WDR25: variants seen among roughly 807,000 people sequenced by gnomAD.
WDR25 encodes the protein WD repeat domain 25, also known as WD repeat-containing protein 25.
Under a neutral mutation model 47.7 loss-of-function variants are expected in WDR25, and 35 were observed. The observed-to-expected ratio is 0.73, with a 90% CI of 0.56 to 0.97. WDR25 has a LOEUF of 0.97. WDR25 is among the 50% of genes least tolerant of loss of function. The pLI is 0.00. For synonymous variants in WDR25, 248 were observed against 278.9 expected (o/e 0.89, Z 1.10); for missense variants, 634 against 704.7 (o/e 0.90, Z 1.14).
At chr14:100,418,224 A>G (rs1221873032) in intron 2 of WDR25, among the ~76,000 whole-genome samples, 3 of 150,222 alleles carry the variant, frequency 2.0e-5, no homozygotes, top group African/African-American at 7.3e-5. Flanking sequence ...GATAACAGGC[A>G]TGAGCCACTG....
chr14:100,411,037 C>A (rs2140190490), intron 2 of WDR25, among the ~76,000 whole-genome samples: 1 of 152,252 alleles, frequency 6.6e-6, no homozygotes, highest in South Asian at 2.1e-4. Flanking sequence ...CCCGCCTCAG[C>A]CTCCCAAAGT....
chr14:100,498,439 AT>A lies in WDR25; in HGVS notation c.1101+14321del, dbSNP rs1430630965. 6.6e-6 allele frequency among the ~76,000 whole-genome samples: 1 copy of A among 151,666 alleles called. No individual in the cohort carries two copies. The highest frequency in any genetic ancestry group is 1.5e-5 in the Non-Finnish European group (1 of 67,956). Reference sequence around the variant, plus strand: ...TTTTTAATTACAGTCTTTGTCTTGAATTTTTTCTTTTTTTTCAAAAAGGTCG... The same window carrying A: ...TTTTTAATTACAGTCTTTGTCTTGAATTTTTCTTTTTTTTCAAAAAGGTCG... On this transcript the variant is annotated intron_variant, in intron 4 of 6. Coordinates refer to ENST00000402312, the MANE Select transcript of WDR25 (RefSeq NM_001161476.3). This position sits in a 1 kb window ranked among gnomAD's most constrained non-coding sequence, Gnocchi z 4.2.
At position 100,468,100 on chromosome 14, in the gene WDR25, C is replaced by A; in HGVS notation, c.902C>A (p.Ala301Asp). ...GAGGCAGTGCGGGCCGCCCGGTGGG[C>A]TCCCTGTGGCCGGCGCATCCTCAGT... ...HTEAVRAARW[A>D]PCGRRILSGG... is the part of the protein sequence containing the mutation. The change falls in exon 3 of 7, where the codon GCT (alanine) becomes GAT (aspartate). Residue 301 changes from alanine (A) to aspartate (D), a missense_variant. Transcript: ENST00000402312. The surrounding 1 kb of genome is among the most constrained non-coding windows in gnomAD (Gnocchi z 4.5). 6.2e-7 allele frequency: 1 copy of A among 1,613,582 alleles called. No homozygotes were observed. Among genetic ancestry groups the A allele is most frequent in the Admixed American group, 1.7e-5 (1 of 60,034 alleles).
intron 2 of WDR25, among the ~76,000 whole-genome samples, chr14:100,457,245 G>A (rs904191461): frequency 2.0e-5 from 3 of 152,090 alleles, no homozygotes; most frequent in Non-Finnish European, 1.5e-5. Flanking sequence ...GTGAGCCACC[G>A]CACTTGGCCT....
chr14:100,485,384 A>G (rs973497634), intron 4 of WDR25, among the ~76,000 whole-genome samples: 3 of 152,064 alleles, frequency 2.0e-5, no homozygotes, highest in Non-Finnish European at 4.4e-5. Context: ...GAAGGCAGAG[A>G]GTTTTGTTTG....
intron 2 of WDR25, among the ~76,000 whole-genome samples, chr14:100,412,337 C>T (rs190006429): frequency 1.7e-4 from 26 of 152,060 alleles, no homozygotes; most frequent in Non-Finnish European, 2.6e-4. Context: ...GGGCAGTGCT[C>T]GGTATTAGGT....
At chr14:100,477,204 G>C (rs996410962) in intron 3 of WDR25, among the ~76,000 whole-genome samples, 3 of 152,226 alleles carry the variant, frequency 2.0e-5, no homozygotes, top group Non-Finnish European at 4.4e-5. Context: ...ACAGTCATAC[G>C]GGGGTGGAAG....
chr14:100,451,320 C>T (rs1171380746), intron 2 of WDR25, among the ~76,000 whole-genome samples: 3 of 151,272 alleles, frequency 2.0e-5, no homozygotes, highest in Admixed American at 6.6e-5. Flanking sequence ...TGGCTTACTG[C>T]AGCCTTGACT....
At chr14:100,472,340 C>T (rs1156296721) in intron 3 of WDR25, among the ~76,000 whole-genome samples, 2 of 152,236 alleles carry the variant, frequency 1.3e-5, no homozygotes, top group African/African-American at 2.4e-5. Context: ...AGGCAGCACG[C>T]GTGAGAGGGC....
rs1442620474 is a variant in WDR25, at chr14:100,488,060, C to A, written c.1101+3936C>A. Reference sequence around the variant, plus strand: ...TGCTAAGTGTCAAGATTCTGGACTTCTCTAGTCTAGCCCAATTCATTACAG... The same window carrying A: ...TGCTAAGTGTCAAGATTCTGGACTTATCTAGTCTAGCCCAATTCATTACAG... On this transcript the variant is annotated intron_variant, in intron 4 of 6. Transcript: ENST00000402312. The surrounding 1 kb of genome is among the most constrained non-coding windows in gnomAD (Gnocchi z 4.2). Among the ~76,000 whole-genome samples, 1 of 152,206 alleles carries A rather than the reference C, an allele frequency of 6.6e-6. No individual in the cohort carries two copies. Among genetic ancestry groups the A allele is most frequent in the Non-Finnish European group, 1.5e-5 (1 of 68,044 alleles).
Position 100,529,629 on chromosome 14 carries a change from T to C in WDR25, c.1414-191T>C. On this transcript the variant is annotated intron_variant, in intron 6 of 6. Transcript: ENST00000402312. The surrounding 1 kb of genome is among the most constrained non-coding windows in gnomAD (Gnocchi z 5.1). ...CCCGCTGGATCTGCTGAACTGGCCT[T>C]GGGATGTGGGCCCGCATCAGGGCTC... is the stretch of plus-strand genomic sequence containing the variant. 1 of 654,754 alleles carries C rather than the reference T, an allele frequency of 1.5e-6. No homozygotes were observed. Among genetic ancestry groups the C allele is most frequent in the Non-Finnish European group, 2.6e-6 (1 of 387,288 alleles). 40.6% of individuals were successfully genotyped at this position (654,754 alleles called of 1,614,324 possible).
intron 3 of WDR25, among the ~76,000 whole-genome samples, chr14:100,475,520 G>A (rs1899988486): frequency 6.6e-6 from 1 of 152,178 alleles, no homozygotes; most frequent in Non-Finnish European, 1.5e-5. Context: ...AGTGGGATAA[G>A]CGAAGGCACA....
At chr14:100,473,169 G>A (rs986525772) in intron 3 of WDR25, among the ~76,000 whole-genome samples, 20 of 152,234 alleles carry the variant, frequency 1.3e-4, no homozygotes, top group Admixed American at 1.1e-3. Context: ...GCTGGGCCCT[G>A]GGCTATGTGC....
At chr14:100,450,178 C>T (rs1187201492) in intron 2 of WDR25, among the ~76,000 whole-genome samples, 1 of 152,236 alleles carries the variant, frequency 6.6e-6, no homozygotes, top group Non-Finnish European at 1.5e-5. Flanking sequence ...TTGCAAGTGT[C>T]TGCTGAGCCC....
intron 4 of WDR25, among the ~76,000 whole-genome samples, chr14:100,485,949 A>G (rs1900367984): frequency 6.7e-6 from 1 of 148,504 alleles, no homozygotes; most frequent in Non-Finnish European, 1.5e-5. Flanking sequence ...GTAGTCTTTA[A>G]AAAAAAATCA....
Position 100,519,121 on chromosome 14 carries a change from C to A in WDR25, c.1102-6749C>A, listed in dbSNP as rs112165502. Among the ~76,000 whole-genome samples, 285 of 152,250 alleles carry A rather than the reference C, an allele frequency of 1.9e-3. 1 individual carries two copies. The highest frequency in any genetic ancestry group is 6.8e-3 in the African/African-American group (281 of 41,532). Reference sequence around the variant, plus strand: ...CACAAAAGTGAATACCAACTGGGAACCTCATCTGCCATACTGGTCTTTATT... The same window carrying A: ...CACAAAAGTGAATACCAACTGGGAAACTCATCTGCCATACTGGTCTTTATT... On this transcript the variant is annotated intron_variant, in intron 4 of 6. Transcript: ENST00000402312.
At chr14:100,445,935 G>T (rs569892162) in intron 2 of WDR25, among the ~76,000 whole-genome samples, 2 of 152,182 alleles carry the variant, frequency 1.3e-5, no homozygotes, top group Non-Finnish European at 2.9e-5. Context: ...GACACGGGGC[G>T]AGGCCCGGCC....
intron 4 of WDR25, chr14:100,503,885 C>T (rs937346420): frequency 1.3e-5 from 2 of 152,196 alleles, no homozygotes; most frequent in African/African-American, 4.8e-5. Context: ...ATAAGAAGAA[C>T]TAACATTTGT....
chr14:100,421,217 G>A (rs1898017366), intron 2 of WDR25, among the ~76,000 whole-genome samples: 1 of 152,178 alleles, frequency 6.6e-6, no homozygotes, highest in Admixed American at 6.5e-5. Context: ...TCATCCCTGT[G>A]TTTCAAGTTC....
Sources: gnomAD v4.1 joint callset for allele counts (sites outside exome capture counted in the v4.1 genomes callset) on GRCh38, gnomAD v4.1.1 for gene constraint, Gnocchi (gnomAD v3.1) non-coding constraint, MANE v1.5 for transcripts, NCBI Gene and HGNC (gene_info 2026-07-23, HGNC 2026-07-21) for gene names.